Variants in DZIP3 observed in about 807,000 individuals in gnomAD.
The protein encoded by DZIP3 is E3 ubiquitin-protein ligase DZIP3.
Under a neutral mutation model 162.0 loss-of-function variants are expected in DZIP3, and 118 were observed. The ratio of observed to expected loss-of-function variants is 0.73; its 90% CI spans 0.63 to 0.85. DZIP3 has a LOEUF of 0.85. Among genes scored for constraint, DZIP3 ranks in the 40% least tolerant of loss-of-function variants. The pLI, the probability that DZIP3 is intolerant of heterozygous loss-of-function variation, is 0.00. For synonymous variants in DZIP3, 438 were observed against 458.6 expected (o/e 0.96, Z 0.57); for missense variants, 1,331 against 1,407.0 (o/e 0.95, Z 0.86).
At chr3:108,634,438 C>G (rs918311819) in intron 9 of DZIP3, among the ~76,000 whole-genome samples, 1 of 152,040 alleles carries the variant, frequency 6.6e-6, no homozygotes, top group African/African-American at 2.4e-5. Context: ...TGCAGTAGCT[C>G]AGGAGCTGTC....
chr3:108,655,737 C>A (rs1294289539), intron 19 of DZIP3, among the ~76,000 whole-genome samples: 2 of 152,158 alleles, frequency 1.3e-5, no homozygotes, highest in Admixed American at 1.3e-4. Flanking sequence ...TCAGGGAATT[C>A]CCTTTCCTAG....
At chr3:108,665,380 G>A (rs953642288) in intron 21 of DZIP3, among the ~76,000 whole-genome samples, 2 of 152,072 alleles carry the variant, frequency 1.3e-5, no homozygotes, top group Non-Finnish European at 1.5e-5. Flanking sequence ...TTGAATCAGT[G>A]AACTTGGGGA....
chr3:108,589,546 G>T, upstream of DZIP3: 1 of 506,422 alleles, frequency 2.0e-6, no homozygotes, highest in East Asian at 3.4e-5. Flanking sequence ...TCTCGGTGAC[G>T]GCCGGGGTGG....
chr3:108,648,023 C>T lies in DZIP3; in HGVS notation c.1873C>T (p.His625Tyr). Residue 625 changes from histidine (H) to tyrosine (Y), a missense_variant, in exon 16 of 33, where the codon CAC becomes TAC. Physicochemically the swap from His to Tyr is moderately conservative, Grantham distance 83. Around this residue, in one of 2 missense-constraint regions of DZIP3, gnomAD observed 1,278 missense variants for 1,317.1 expected, o/e 0.97. Coordinates refer to ENST00000361582, the MANE Select transcript of DZIP3 (RefSeq NM_014648.4). The stretch of plus-strand genomic sequence containing the variant: ...GGAGTACAATATAAATGTGAAATCA[C>T]ACCCTGAGATACAGTTTGCAGAAAT... ...LMEYNINVKS[H>Y]PEIQFAEINK... The T allele has an allele frequency of 2.5e-6, 4 of 1,611,360 alleles. No homozygotes were observed. Among genetic ancestry groups the T allele is most frequent in the Non-Finnish European group, 3.4e-6 (4 of 1,178,782 alleles).
At chr3:108,605,519 G>C in intron 2 of DZIP3, 81 bp downstream of exon 2, 8 of 1,438,244 alleles carry the variant, frequency 5.6e-6, no homozygotes. Context: ...GTGGGGGTGC[G>C]GGGAATGGTT....
At chr3:108,686,347 T>C in intron 27 of DZIP3, 98 bp from the exon 28 acceptor site, 1 of 1,168,920 alleles carries the variant, frequency 8.6e-7, no homozygotes. Flanking sequence ...TGAATGTGTA[T>C]GCCAGTACGC....
chr3:108,668,885 A>G (rs775695948), intron 21 of DZIP3, among the ~76,000 whole-genome samples: 1 of 151,998 alleles, frequency 6.6e-6, no homozygotes, highest in Non-Finnish European at 1.5e-5. Flanking sequence ...GAATTTCAAC[A>G]TATTAGAGAC....
chr3:108,644,070 T>C (rs1050761830), intron 13 of DZIP3, 94 bp from the exon 14 acceptor site: 7 of 1,429,642 alleles, frequency 4.9e-6, no homozygotes, highest in Non-Finnish European at 6.5e-6. Context: ...TGGAATAGTT[T>C]TTATCCTACA....
intron 3 of DZIP3, among the ~76,000 whole-genome samples, chr3:108,608,409 C>A (rs920327293): frequency 2.0e-5 from 3 of 152,060 alleles, no homozygotes; most frequent in Non-Finnish European, 4.4e-5. Flanking sequence ...TGAATGGAAT[C>A]ATCCAGAAAT....
Position 108,589,732 on chromosome 3 carries a change from G to A in DZIP3, c.-180G>A, listed in dbSNP as rs548921262. ...GAAGGGGGATTCCTCACTCAGCTGT[G>A]CGCTCTGATTTCGTGCGCTTCCTCG... On this transcript the variant is annotated 5_prime_UTR_variant, in exon 1 of 33. Coordinates refer to ENST00000361582, the MANE Select transcript of DZIP3 (RefSeq NM_014648.4). 26 of 186,052 alleles carry A rather than the reference G, an allele frequency of 1.4e-4. No individual in the cohort carries two copies. Among genetic ancestry groups the A allele is most frequent in the Non-Finnish European group, 2.2e-4 (19 of 87,716 alleles). The allele number at this position is 186,052 out of a possible 1,614,324, so 11.5% of individuals were successfully genotyped here. A position where few individuals can be genotyped will look rare whatever the true frequency, so the allele number is the denominator to read the frequency against.
chr3:108,687,539 A>G (rs1309113122), intron 28 of DZIP3, among the ~76,000 whole-genome samples: 1 of 152,180 alleles, frequency 6.6e-6, no homozygotes, highest in Non-Finnish European at 1.5e-5. Flanking sequence ...GAGTTTTACG[A>G]AAGTACAACT....
At chr3:108,651,630 T>G (rs2107231120) in intron 18 of DZIP3, among the ~76,000 whole-genome samples, 1 of 151,852 alleles carries the variant, frequency 6.6e-6, no homozygotes, top group Middle Eastern at 3.4e-3. Context: ...CCAAAAAGTT[T>G]GGCTTTGTTG....
At chr3:108,645,922 A>G (rs1353283065) in intron 14 of DZIP3, among the ~76,000 whole-genome samples, 1 of 152,238 alleles carries the variant, frequency 6.6e-6, no homozygotes, top group Non-Finnish European at 1.5e-5. Flanking sequence ...ATTCATGAGA[A>G]TAGAGTATTT....
chr3:108,674,579 G>A (rs9811875), intron 24 of DZIP3, among the ~76,000 whole-genome samples: 23,013 of 151,828 alleles, frequency 0.15, 2,163 homozygotes, highest in Non-Finnish European at 0.22. Context: ...AAACAAGGTG[G>A]ATTCTAATTG....
Position 108,646,801 on chromosome 3 carries a change from G to A in DZIP3, c.1792+152G>A, listed in dbSNP as rs977802977. 6 of 547,108 alleles carry A rather than the reference G, an allele frequency of 1.1e-5. No individual in the cohort carries two copies. In the African/African-American group the frequency reaches 1.2e-4, roughly 11 times the overall value. 33.9% of individuals were successfully genotyped at this position (547,108 alleles called of 1,614,324 possible). A position where few individuals can be genotyped will look rare whatever the true frequency, so the allele number is the denominator to read the frequency against. ...CTCACGCCTATAATCCCTGTACTTT[G>A]GGAGGCTGAGGCAGGTGGATCACAA... On this transcript the variant is annotated intron_variant, in intron 15 of 32. Coordinates refer to ENST00000361582, the MANE Select transcript of DZIP3 (RefSeq NM_014648.4).
chr3:108,694,378 A>T lies in DZIP3; in HGVS notation c.*1025A>T, dbSNP rs1378171668. On this transcript the variant is annotated 3_prime_UTR_variant, in exon 33 of 33. Transcript: ENST00000361582. ...CTTGTCTAGCACCTTGTATTAGTCC[A>T]TTTTCATGCTGCTGATAAAGACATA... 6.4e-6 allele frequency: 1 copy of T among 155,950 alleles called. No homozygotes were observed. Among genetic ancestry groups the T allele is most frequent in the Admixed American group, 6.5e-5 (1 of 15,324 alleles). The allele number at this position is 155,950 out of a possible 1,614,324, so 9.7% of individuals were successfully genotyped here.
rs537957662 is a variant in DZIP3 at position 108,647,671 on chromosome 3, T to G, written c.1793-272T>G. Reference sequence around the variant, plus strand: ...AAAGTTAGTATTTAGAGTCTACTTATGTTCTAGAGTATCTAATATCTAGAG... The same window carrying G: ...AAAGTTAGTATTTAGAGTCTACTTAGGTTCTAGAGTATCTAATATCTAGAG... On this transcript the variant is annotated intron_variant, in intron 15 of 32. Transcript: ENST00000361582. Among the ~76,000 whole-genome samples, 5 of 152,326 alleles carry G rather than the reference T, an allele frequency of 3.3e-5. No homozygotes were observed. The East Asian group carries it at 9.6e-4, about 29-fold the overall frequency.
rs557395762 is a variant in DZIP3 at position 108,644,581 on chromosome 3, G to A, written c.1559G>A (p.Gly520Asp). The change falls in exon 14 of 33, where the codon GGT (glycine) becomes GAT (aspartate). Residue 520 changes from glycine (G) to aspartate (D), a missense_variant. Gly to Asp is a moderately conservative substitution (Grantham distance 94). Coordinates refer to ENST00000361582, the MANE Select transcript of DZIP3 (RefSeq NM_014648.4). ...DILLSEILMNGLTESQFNSIW... is the reference protein window; with the variant it reads ...DILLSEILMNDLTESQFNSIW... The stretch of plus-strand genomic sequence containing the variant: ...CTCCTTAGTGAGATTTTGATGAATG[G>A]TCTCACTGAGTCACAGTTCAATTCA... 6.2e-7 allele frequency: 1 copy of A among 1,614,056 alleles called. No homozygotes were observed.
At chr3:108,670,274 A>C (rs182901401) in intron 22 of DZIP3, among the ~76,000 whole-genome samples, 1 of 152,068 alleles carries the variant, frequency 6.6e-6, no homozygotes, top group Admixed American at 6.6e-5. Context: ...CCAAAAAAGA[A>C]ACCCATTAGA....
Sources: gnomAD v4.1 joint callset for allele counts (sites outside exome capture counted in the v4.1 genomes callset) on GRCh38, gnomAD v4.1.1 for gene constraint, gnomAD v4.1.1 regional missense constraint, MANE v1.5 for transcripts, NCBI Gene and HGNC (gene_info 2026-07-23, HGNC 2026-07-21) for gene names.